The following FXN variants were observed in gnomAD, a reference collection of about 807,000 sequenced individuals.
FXN encodes frataxin, mitochondrial.
FXN carries 14 observed loss-of-function variants against 22.4 expected under a neutral mutation model. The ratio of observed to expected loss-of-function variants is 0.62; its 90% CI spans 0.41 to 0.98. The LOEUF is 0.98. Ranked by LOEUF, FXN falls within the 50% of genes least tolerant of loss-of-function variation. The pLI is 0.00. For missense variants in FXN, 267 were observed against 268.4 expected (o/e 0.99, Z 0.04); for synonymous variants, 120 against 114.1 (o/e 1.05, Z -0.33).
intron 3 of FXN, among the ~76,000 whole-genome samples, chr9:69,062,172 C>T (rs1267140446): frequency 6.6e-6 from 1 of 152,082 alleles, no homozygotes; most frequent in African/African-American, 2.4e-5. Context: ...AGTGTGGTGG[C>T]GTGATCACCG....
intron 4 of FXN, 21 bp downstream of exon 4, chr9:69,065,056 G>A (rs1486870494): frequency 6.5e-7 from 1 of 1,549,034 alleles, no homozygotes; most frequent in Non-Finnish European, 8.9e-7. Flanking sequence ...ATGTTCAGAA[G>A]TCAACATATG....
At chr9:69,046,590 C>A in intron 2 of FXN, 108 bp downstream of exon 2, 1 of 753,462 alleles carries the variant, frequency 1.3e-6, no homozygotes, top group South Asian at 1.5e-5. Flanking sequence ...AGGCATCTTT[C>A]CATGTGACTG....
Position 69,078,086 on chromosome 9 carries a change from C to G in FXN, c.*5324C>G. ...AAAAGAAAATGGCTTAAATAAAACC[C>G]TAAGAGAAAGAAAAACTTTAAATCC... On this transcript the variant is annotated 3_prime_UTR_variant, in exon 5 of 5. Transcript: ENST00000484259. The G allele has an allele frequency of 1.0e-6, 1 of 985,392 alleles. No individual in the cohort carries two copies. Among genetic ancestry groups the G allele is most frequent in the Non-Finnish European group, 1.2e-6 (1 of 829,934 alleles). 61.0% of individuals were successfully genotyped at this position (985,392 alleles called of 1,614,324 possible). A position where few individuals can be genotyped will look rare whatever the true frequency, so the allele number is the denominator to read the frequency against.
rs530784319 is a variant in FXN at position 69,045,312 on chromosome 9, T to C, written c.166-1073T>C. ...ATCCTAAGAAATATTCCTAAAATAC[T>C]TTAATATAGGGCTGGGTGCGGTGGC... On this transcript the variant is annotated intron_variant, in intron 1 of 4. Coordinates refer to ENST00000484259, the MANE Select transcript of FXN (RefSeq NM_000144.5). Among the ~76,000 whole-genome samples the C allele has an allele frequency of 2.0e-5, 3 of 152,006 alleles. No individual in the cohort carries two copies. The South Asian group carries it at 6.2e-4, about 32-fold the overall frequency.
rs1302759071 is a variant in FXN, at chr9:69,077,580, A to G, written c.*4818A>G. On this transcript the variant is annotated 3_prime_UTR_variant, in exon 5 of 5. Transcript: ENST00000484259. Reference sequence around the variant, plus strand: ...AGTGCAAGAAGGGCCTCTGCTGTCCACTTGTGTTTCTGTGATCTGTGGGAA... The same window carrying G: ...AGTGCAAGAAGGGCCTCTGCTGTCCGCTTGTGTTTCTGTGATCTGTGGGAA... 32 of 985,278 alleles carry G rather than the reference A, an allele frequency of 3.2e-5. No homozygotes were observed. Among genetic ancestry groups the G allele is most frequent in the Non-Finnish European group, 3.6e-5 (30 of 829,934 alleles). The allele number at this position is 985,278 out of a possible 1,614,324, so 61.0% of individuals were successfully genotyped here.
intron 3 of FXN, among the ~76,000 whole-genome samples, chr9:69,053,937 G>A (rs1831908111): frequency 6.6e-6 from 1 of 152,196 alleles, no homozygotes; most frequent in African/African-American, 2.4e-5. Flanking sequence ...TTGGTCTGGG[G>A]TGTGGCATGA....
chr9:69,064,612 C>T (rs1412414367), intron 3 of FXN, among the ~76,000 whole-genome samples: 1 of 152,164 alleles, frequency 6.6e-6, no homozygotes, highest in African/African-American at 2.4e-5. Flanking sequence ...AACAAACCAG[C>T]AGTCCCAGAT....
chr9:69,054,650 G>A (rs1199897300), intron 3 of FXN, among the ~76,000 whole-genome samples: 2 of 152,060 alleles, frequency 1.3e-5, no homozygotes, highest in Non-Finnish European at 2.9e-5. Context: ...GGAATTATAG[G>A]CACACGCCCC....
intron 1 of FXN, among the ~76,000 whole-genome samples, chr9:69,039,280 AACTTTATT>A (rs993614773): frequency 6.6e-6 from 1 of 152,090 alleles, no homozygotes; most frequent in Non-Finnish European, 1.5e-5. Flanking sequence ...GGCTCCTAAT[AACTTTATT>A]ACTTTATTAT....
chr9:69,053,352 C>T, intron 3 of FXN, 92 bp downstream of exon 3: 1 of 1,443,532 alleles, frequency 6.9e-7, no homozygotes, highest in Non-Finnish European at 9.7e-7. Context: ...AGCTAAGCAT[C>T]AAGTAGCATG....
At chr9:69,063,050 A>T (rs1279822867) in intron 3 of FXN, among the ~76,000 whole-genome samples, 1 of 152,096 alleles carries the variant, frequency 6.6e-6, no homozygotes, top group Non-Finnish European at 1.5e-5. Context: ...AAAAATGTTA[A>T]AATTAGACAG....
In FXN at chr9:69,077,821, T is replaced by G; in HGVS notation, c.*5059T>G. The G allele has an allele frequency of 1.6e-6, 1 of 626,670 alleles. No individual in the cohort carries two copies. The highest frequency in any genetic ancestry group is 2.0e-6 in the Non-Finnish European group (1 of 503,274). 38.8% of individuals were successfully genotyped at this position (626,670 alleles called of 1,614,324 possible). ...GGCGCACGCCTGTTATCCCAGCTAC[T>G]CGGGAGGCTGAGGCAGGAGAATTGC... On this transcript the variant is annotated 3_prime_UTR_variant, in exon 5 of 5. Coordinates refer to ENST00000484259, the MANE Select transcript of FXN (RefSeq NM_000144.5).
Position 69,077,728 on chromosome 9 carries a change from G to A in FXN, c.*4966G>A, listed in dbSNP as rs1007703217. 9 of 830,802 alleles carry A rather than the reference G, an allele frequency of 1.1e-5. No homozygotes were observed. Among genetic ancestry groups the A allele is most frequent in the East Asian group, 2.5e-4 (2 of 8,106 alleles). 51.5% of individuals were successfully genotyped at this position (830,802 alleles called of 1,614,324 possible). On this transcript the variant is annotated 3_prime_UTR_variant, in exon 5 of 5. Coordinates refer to ENST00000484259, the MANE Select transcript of FXN (RefSeq NM_000144.5). ...GTGGATCACCTGAGGTTAGGAGTTC[G>A]AGGCCAGCCTGGTCAACATGGTAAA...
chr9:69,037,783 C>T (rs909628915), intron 1 of FXN, among the ~76,000 whole-genome samples: 1 of 152,158 alleles, frequency 6.6e-6, no homozygotes, highest in Non-Finnish European at 1.5e-5. Context: ...AGTGATTCTC[C>T]TGCCTCAGCC....
Position 69,077,662 on chromosome 9 carries a change from G to A in FXN, c.*4900G>A. 1 of 984,868 alleles carries A rather than the reference G, an allele frequency of 1.0e-6. No homozygotes were observed. The allele number at this position is 984,868 out of a possible 1,614,324, so 61.0% of individuals were successfully genotyped here. ...GTTTAGCTCCTGGCCAGACACGGTG[G>A]CTCACACCTGTAATCCCAGCACTTT... On this transcript the variant is annotated 3_prime_UTR_variant, in exon 5 of 5. Coordinates refer to ENST00000484259, the MANE Select transcript of FXN (RefSeq NM_000144.5).
chr9:69,046,287 C>T, intron 1 of FXN, 98 bp from the exon 2 acceptor site: 1 of 868,812 alleles, frequency 1.2e-6, no homozygotes, highest in Non-Finnish European at 1.9e-6. Context: ...CACTCGGTTA[C>T]AGGCACTCGA....
intron 1 of FXN, 191 bp downstream of exon 1, chr9:69,036,138 T>C: frequency 2.7e-6 from 1 of 366,442 alleles, no homozygotes; most frequent in Non-Finnish European, 4.5e-6. Flanking sequence ...CCCGGTTGCA[T>C]TTACACTGGC....
intron 1 of FXN, among the ~76,000 whole-genome samples, chr9:69,038,268 T>C (rs1321900723): frequency 2.6e-5 from 4 of 152,192 alleles, no homozygotes; most frequent in Non-Finnish European, 5.9e-5. Context: ...TTTAAAGCCC[T>C]GACTGTCCTG....
chr9:69,043,320 C>T (rs1428363969), intron 1 of FXN: 1 of 152,112 alleles, frequency 6.6e-6, no homozygotes, highest in East Asian at 1.9e-4. Flanking sequence ...AAGTTTAGCA[C>T]GAGGAGGCTG....
Sources: gnomAD v4.1 joint callset for allele counts (sites outside exome capture counted in the v4.1 genomes callset) on GRCh38, gnomAD v4.1.1 for gene constraint, MANE v1.5 for transcripts, NCBI Gene and HGNC (gene_info 2026-07-23, HGNC 2026-07-21) for gene names.